The following SPMIP7 variants were observed in gnomAD, a reference collection of about 807,000 sequenced individuals.
The protein encoded by SPMIP7 is protein SPMIP7.
At chr7:50,140,328 G>GAACA in the SPMIP7 span, 1 of 447,080 alleles carries the variant, frequency 2.2e-6, no homozygotes, top group African/African-American at 2.0e-5. Flanking sequence ...CACAGTGCCT[G>GAACA]TTTAATGTCA....
At chr7:50,100,811 A>AT in the SPMIP7 span, among the ~76,000 whole-genome samples, 2 of 130,590 alleles carry the variant, frequency 1.5e-5, no homozygotes, top group Admixed American at 1.6e-4. Context: ...GATGCCGTCC[A>AT]AAAATAAATA....
At chr7:50,154,346 TC>T in the SPMIP7 span, among the ~76,000 whole-genome samples, 4 of 152,318 alleles carry the variant, frequency 2.6e-5, no homozygotes, top group East Asian at 7.7e-4. Flanking sequence ...GGCTTGTTTC[TC>T]CTGCGTGTCT....
At chr7:50,158,126 C>T in the SPMIP7 span, among the ~76,000 whole-genome samples, 123 of 152,164 alleles carry the variant, frequency 8.1e-4, no homozygotes, top group Non-Finnish European at 1.6e-3. Context: ...TTTTCCTGGC[C>T]TCTGGCCTAT....
chr7:50,159,241 C>T, the SPMIP7 span: 1 of 1,500,270 alleles, frequency 6.7e-7, no homozygotes, highest in East Asian at 2.5e-5. Flanking sequence ...GAAATAAAGG[C>T]TGCTTCTCCG....
the SPMIP7 span, among the ~76,000 whole-genome samples, chr7:50,125,094 G>GTA: frequency 0.086 from 6,361 of 73,804 alleles, 1,330 homozygotes; most frequent in Non-Finnish European, 0.12. Context: ...GTGAGATTAA[G>GTA]TATATATATA....
the SPMIP7 span, among the ~76,000 whole-genome samples, chr7:50,101,619 G>A: frequency 6.6e-6 from 1 of 152,204 alleles, no homozygotes; most frequent in Non-Finnish European, 1.5e-5. Context: ...ATCGTCCAGA[G>A]TCCTTTCTTC....
At chr7:50,129,759 G>T in the SPMIP7 span, 2 of 1,549,070 alleles carry the variant, frequency 1.3e-6, no homozygotes, top group Non-Finnish European at 1.7e-6. Context: ...GAAATGTAAT[G>T]CAAAGGACTC....
At chr7:50,105,380 G>A in the SPMIP7 span, among the ~76,000 whole-genome samples, 3 of 152,132 alleles carry the variant, frequency 2.0e-5, no homozygotes, top group African/African-American at 7.2e-5. Flanking sequence ...ACATTGTAAA[G>A]AATCAATTTT....
At chr7:50,124,613 CA>C in the SPMIP7 span, among the ~76,000 whole-genome samples, 1 of 152,070 alleles carries the variant, frequency 6.6e-6, no homozygotes, top group African/African-American at 2.4e-5. Context: ...TAAAATTAAA[CA>C]CACTTCTAAA....
chr7:50,106,965 G>A, the SPMIP7 span, among the ~76,000 whole-genome samples: 6 of 151,934 alleles, frequency 3.9e-5, no homozygotes, highest in East Asian at 1.9e-4. Context: ...GGCCAGGCAC[G>A]GTGGCTCACA....
chr7:50,102,938 C>T, the SPMIP7 span, among the ~76,000 whole-genome samples: 684 of 149,466 alleles, frequency 4.6e-3, 2 homozygotes, highest in African/African-American at 0.016. Flanking sequence ...CACTCTGGAA[C>T]CCCAGCAATA....
At chr7:50,121,854 A>G in the SPMIP7 span, among the ~76,000 whole-genome samples, 1 of 151,142 alleles carries the variant, frequency 6.6e-6, no homozygotes, top group East Asian at 1.9e-4. Flanking sequence ...ATGGAGTTTC[A>G]CCATGTTGAC....
chr7:50,155,781 G>A, the SPMIP7 span, among the ~76,000 whole-genome samples: 2 of 2,780 alleles, frequency 7.2e-4, no homozygotes, highest in East Asian at 0.01. Flanking sequence ...GGGGGTCCTC[G>A]CAATCCCTCT....
chr7:50,145,604 G>GTGTGTA, the SPMIP7 span, among the ~76,000 whole-genome samples: 3 of 50,820 alleles, frequency 5.9e-5, no homozygotes, highest in South Asian at 8.0e-4. Context: ...GTGTGTGTGT[G>GTGTGTA]TGTATATGTG....
the SPMIP7 span, among the ~76,000 whole-genome samples, chr7:50,123,544 G>T: frequency 6.7e-6 from 1 of 148,680 alleles, no homozygotes; most frequent in African/African-American, 2.5e-5. Flanking sequence ...TTGTGCACAT[G>T]TACCCTAAAA....
the SPMIP7 span, among the ~76,000 whole-genome samples, chr7:50,128,775 A>G: frequency 6.6e-6 from 1 of 152,042 alleles, no homozygotes; most frequent in African/African-American, 2.4e-5. Context: ...ATTCATGGAC[A>G]GTAAATAGAT....
At chr7:50,098,659 C>T in the SPMIP7 span, among the ~76,000 whole-genome samples, 3 of 152,066 alleles carry the variant, frequency 2.0e-5, no homozygotes. Flanking sequence ...TTATAGAAGG[C>T]ATCTTTTTCC....
the SPMIP7 span, among the ~76,000 whole-genome samples, chr7:50,139,332 A>G: frequency 6.7e-6 from 1 of 150,340 alleles, no homozygotes; most frequent in African/African-American, 2.5e-5. Context: ...CTAGGTGACT[A>G]GAGCGAGGCA....
At chr7:50,112,854 A>G in the SPMIP7 span, among the ~76,000 whole-genome samples, 1 of 151,944 alleles carries the variant, frequency 6.6e-6, no homozygotes, top group Non-Finnish European at 1.5e-5. Flanking sequence ...GCAGGGTAAG[A>G]TAGCAGAGAA....
Sources: gnomAD v4.1 joint callset for allele counts (sites outside exome capture counted in the v4.1 genomes callset) on GRCh38, gnomAD v4.1.1 for gene constraint, MANE v1.5 for transcripts, NCBI Gene and HGNC (gene_info 2026-07-23, HGNC 2026-07-21) for gene names.